Variants in SMYD3 observed in about 807,000 individuals in gnomAD.
SMYD3 encodes SET and MYND domain containing 3.
A neutral mutation model predicts 57.7 loss-of-function variants in SMYD3; 36 were observed. That is an observed-to-expected ratio of 0.62 (90% CI 0.48 to 0.82). The LOEUF (loss-of-function observed/expected upper bound fraction) is 0.82, where lower values mean the gene tolerates loss of function less well. Ranked by LOEUF, SMYD3 falls within the 40% of genes least tolerant of loss-of-function variation. The pLI is 0.00. For synonymous variants in SMYD3, 211 were observed against 195.0 expected (o/e 1.08, Z -0.68); for missense variants, 515 against 538.8 (o/e 0.96, Z 0.44).
chr1:246,464,124 G>A (rs56196017), intron 1 of SMYD3, among the ~76,000 whole-genome samples: 12,146 of 152,122 alleles, frequency 0.08, 1,580 homozygotes, highest in African/African-American at 0.27. Context: ...TAAGGCAAAC[G>A]GAGAGGGTGC....
intron 3 of SMYD3, 81 bp downstream of exon 3, chr1:246,335,286 T>A: frequency 3.3e-6 from 4 of 1,220,674 alleles, no homozygotes; most frequent in Non-Finnish European, 4.8e-6. Flanking sequence ...ACCTGCAACA[T>A]CTCTGAGGTA....
At chr1:245,792,702 C>T (rs1337687012) in intron 10 of SMYD3, among the ~76,000 whole-genome samples, 3 of 152,140 alleles carry the variant, frequency 2.0e-5, no homozygotes, top group East Asian at 1.9e-4. Context: ...AGTTGTCTAT[C>T]GCTAACATAT....
At chr1:246,122,695 T>C (rs969015238) in intron 5 of SMYD3, among the ~76,000 whole-genome samples, 21 of 152,208 alleles carry the variant, frequency 1.4e-4, no homozygotes, top group African/African-American at 4.6e-4. Context: ...GACACTTTCA[T>C]TGAACTCTGG....
chr1:246,334,493 A>T (rs1311910284), intron 3 of SMYD3, among the ~76,000 whole-genome samples: 2 of 152,178 alleles, frequency 1.3e-5, no homozygotes, highest in Non-Finnish European at 2.9e-5. Flanking sequence ...TTTACTCACA[A>T]CTGAGAGCTA....
intron 1 of SMYD3, among the ~76,000 whole-genome samples, chr1:246,377,091 G>C (rs554108372): frequency 1.3e-5 from 2 of 152,022 alleles, no homozygotes; most frequent in Non-Finnish European, 2.9e-5. Flanking sequence ...CAGAGGCTTT[G>C]TCTCAAAATA....
At position 246,340,132 on chromosome 1, in the gene SMYD3, T is replaced by C. The variant is rs183338029; in HGVS notation, c.229-4658A>G. On this transcript the variant is annotated intron_variant, in intron 2 of 11. Transcript: ENST00000490107. Reference sequence around the variant, plus strand: ...GAAACAAAATACAATTCTATAATTATCATTGAACTATTGTTCTATAGAAAT... The same window carrying C: ...GAAACAAAATACAATTCTATAATTACCATTGAACTATTGTTCTATAGAAAT... Among the ~76,000 whole-genome samples the C allele has an allele frequency of 6.9e-3, 1,049 of 152,112 alleles. 13 individuals are homozygous for C. The highest frequency in any genetic ancestry group is 0.024 in the African/African-American group (987 of 41,550).
chr1:246,019,142 G>C (rs2059426748), intron 5 of SMYD3, among the ~76,000 whole-genome samples: 1 of 152,132 alleles, frequency 6.6e-6, no homozygotes, highest in Non-Finnish European at 1.5e-5. Context: ...CCACTCCAGT[G>C]ATTCTCAATC....
chr1:245,763,142 C>T (rs963522033), intron 11 of SMYD3, among the ~76,000 whole-genome samples: 1 of 152,248 alleles, frequency 6.6e-6, no homozygotes, highest in African/African-American at 2.4e-5. Context: ...CAACCCTAAA[C>T]CAGTTCTCCC....
At chr1:246,456,269 A>T (rs1428584447) in intron 1 of SMYD3, among the ~76,000 whole-genome samples, 1 of 152,196 alleles carries the variant, frequency 6.6e-6, no homozygotes, top group Admixed American at 6.5e-5. Context: ...GCTTCACATT[A>T]GCATTACCTC....
chr1:246,204,282 C>G (rs563401685), intron 5 of SMYD3, among the ~76,000 whole-genome samples: 4 of 152,146 alleles, frequency 2.6e-5, no homozygotes, highest in Non-Finnish European at 5.9e-5. Flanking sequence ...CTCATCCTCA[C>G]ATTAATGAAA....
intron 5 of SMYD3, among the ~76,000 whole-genome samples, chr1:246,242,066 G>A (rs543352149): frequency 7.3e-5 from 11 of 151,174 alleles, no homozygotes; most frequent in Admixed American, 2.0e-4. Context: ...ATTTTTGAAG[G>A]GTTTTTTTTG....
intron 11 of SMYD3, among the ~76,000 whole-genome samples, chr1:245,759,355 T>C (rs116008009): frequency 6.6e-6 from 1 of 152,116 alleles, no homozygotes; most frequent in Non-Finnish European, 1.5e-5. Flanking sequence ...GTTAAGTGTT[T>C]AGAGGAGGGC....
intron 5 of SMYD3, among the ~76,000 whole-genome samples, chr1:246,184,234 T>C (rs146219742): frequency 6.6e-6 from 1 of 152,276 alleles, no homozygotes; most frequent in African/African-American, 2.4e-5. Context: ...TAAATATATA[T>C]ATCATGACCC....
At chr1:246,141,937 G>C (rs75148195) in intron 5 of SMYD3, among the ~76,000 whole-genome samples, 1 of 152,162 alleles carries the variant, frequency 6.6e-6, no homozygotes, top group African/African-American at 2.4e-5. Context: ...CTTTTTCAAA[G>C]TTTTCCTCTT....
intron 5 of SMYD3, among the ~76,000 whole-genome samples, chr1:246,236,355 C>T (rs986331721): frequency 1.3e-5 from 2 of 152,054 alleles, no homozygotes; most frequent in Non-Finnish European, 2.9e-5. Flanking sequence ...CTCAGCCTCC[C>T]AGTAGCTGGG....
At chr1:246,057,311 A>G (rs571066334) in intron 5 of SMYD3, among the ~76,000 whole-genome samples, 1 of 152,332 alleles carries the variant, frequency 6.6e-6, no homozygotes, top group East Asian at 1.9e-4. Flanking sequence ...GTACAGGTAG[A>G]GTTACATGCA....
chr1:246,108,546 C>T (rs1485713526), intron 5 of SMYD3: 1 of 152,276 alleles, frequency 6.6e-6, no homozygotes, highest in Middle Eastern at 3.4e-3. Flanking sequence ...ACAATCACTG[C>T]CTGCTTCCTA....
chr1:246,248,631 C>CTTGTTTTTTT (rs1309872022), intron 5 of SMYD3, among the ~76,000 whole-genome samples: 2,280 of 118,908 alleles, frequency 0.019, 204 homozygotes, highest in African/African-American at 0.043. Flanking sequence ...AGCTCTCTGA[C>CTTGTTTTTTT]TTTCCTTTTT....
intron 5 of SMYD3, among the ~76,000 whole-genome samples, chr1:246,095,649 A>C (rs2060900982): frequency 6.6e-6 from 1 of 152,240 alleles, no homozygotes; most frequent in South Asian, 2.1e-4. Flanking sequence ...ACCAGGCCTT[A>C]AACCCAGCTG....
Sources: allele counts gnomAD v4.1 joint callset (sites outside exome capture counted in the v4.1 genomes callset), GRCh38; gene constraint gnomAD v4.1.1; transcripts MANE v1.5; gene names NCBI Gene and HGNC (gene_info 2026-07-23, HGNC 2026-07-21).